MCC: variants seen among roughly 807,000 people sequenced by gnomAD.
MCC encodes the protein colorectal mutant cancer protein.
MCC carries 90 observed loss-of-function variants against 116.2 expected under a neutral mutation model. That is an observed-to-expected ratio of 0.77 (90% confidence interval 0.65 to 0.92). The LOEUF (loss-of-function observed/expected upper bound fraction) is 0.92, where lower values mean the gene tolerates loss of function less well. Among genes scored for constraint, MCC ranks in the 40% least tolerant of loss-of-function variants. The pLI, the probability that MCC is intolerant of heterozygous loss-of-function variation, is 0.00. For synonymous variants in MCC, 578 were observed against 510.5 expected (o/e 1.13, Z -1.78); for missense variants, 1,516 against 1,312.2 (o/e 1.16, Z -2.40).
At chr5:113,144,565 G>A (rs78469214) in intron 4 of MCC, among the ~76,000 whole-genome samples, 5,526 of 152,218 alleles carry the variant, frequency 0.036, 182 homozygotes, top group African/African-American at 0.083. Flanking sequence ...GCATAACCCA[G>A]GGCAGGGACA....
At chr5:113,343,875 G>A (rs944541477) in intron 2 of MCC, among the ~76,000 whole-genome samples, 3 of 152,126 alleles carry the variant, frequency 2.0e-5, no homozygotes, top group South Asian at 2.1e-4. Context: ...GAGCAAGATG[G>A]CTGAATAGAA....
At chr5:113,428,162 C>T (rs1323517197) in intron 1 of MCC, among the ~76,000 whole-genome samples, 1 of 152,192 alleles carries the variant, frequency 6.6e-6, no homozygotes, top group Non-Finnish European at 1.5e-5. Flanking sequence ...TCAGCATTTT[C>T]AGGGGCTCCT....
Position 113,071,096 on chromosome 5 carries a change from G to C in MCC, c.1923C>G (p.Tyr641Ter). ...NATALRLALQ[Y>*]SEQCIEAYEL... ...CAAACATCCCAGTGTGTGCCTACCT[G>C]TACTGCAAGGCCAGCCTCAGCGCTG... The change falls in exon 12 of 19, where the codon TAC becomes TAG. Residue 641 changes from tyrosine (Y) to a stop codon, truncating the protein, a stop_gained and splice_region_variant. Coordinates refer to ENST00000408903, the MANE Select transcript of MCC (RefSeq NM_001085377.2). LOFTEE classifies it high-confidence loss of function. The C allele has an allele frequency of 6.4e-7, 1 of 1,566,790 alleles. No homozygotes were observed. The highest frequency in any genetic ancestry group is 8.6e-7 in the Non-Finnish European group (1 of 1,159,406).
At chr5:113,053,236 C>T (rs1372446427) in intron 15 of MCC, among the ~76,000 whole-genome samples, 1 of 152,152 alleles carries the variant, frequency 6.6e-6, no homozygotes, top group African/African-American at 2.4e-5. Flanking sequence ...CAGCACTGTA[C>T]ACCTTCACTG....
At chr5:113,115,562 C>T (rs1240417239) in intron 6 of MCC, among the ~76,000 whole-genome samples, 3 of 152,106 alleles carry the variant, frequency 2.0e-5, no homozygotes, top group Admixed American at 2.0e-4. Flanking sequence ...TCCTCCAGGA[C>T]TGCGAGCCTC....
chr5:113,029,173 G>C, intron 17 of MCC, 117 bp from the exon 18 acceptor site: 1 of 1,002,222 alleles, frequency 1.0e-6, no homozygotes, highest in South Asian at 2.0e-5. Context: ...CTAAAGGCAA[G>C]GGAGAGAAAA....
chr5:113,300,019 C>T (rs1419899672), intron 3 of MCC, among the ~76,000 whole-genome samples: 1 of 152,158 alleles, frequency 6.6e-6, no homozygotes, highest in Non-Finnish European at 1.5e-5. Context: ...TGAGGCTGTG[C>T]ACCAACACCA....
intron 3 of MCC, among the ~76,000 whole-genome samples, chr5:113,199,796 T>C (rs1056162573): frequency 3.3e-5 from 5 of 152,140 alleles, no homozygotes. Flanking sequence ...GCTAATACCA[T>C]CCTCTCCTCT....
At chr5:113,103,109 G>A (rs756757448) in intron 7 of MCC, among the ~76,000 whole-genome samples, 2 of 151,746 alleles carry the variant, frequency 1.3e-5, no homozygotes, top group African/African-American at 2.4e-5. Context: ...GCAAGACTCC[G>A]TCTAAAAAAA....
At chr5:113,059,683 G>T (rs185858533) in intron 14 of MCC, among the ~76,000 whole-genome samples, 1 of 152,370 alleles carries the variant, frequency 6.6e-6, no homozygotes, top group Admixed American at 6.5e-5. Flanking sequence ...AGTCTAGGAT[G>T]TGTGGGTTTC....
At chr5:113,183,345 A>G (rs957700707) in intron 3 of MCC, among the ~76,000 whole-genome samples, 2 of 152,194 alleles carry the variant, frequency 1.3e-5, no homozygotes, top group South Asian at 2.1e-4. Flanking sequence ...AGCTTTTTCA[A>G]TATGTGCAAC....
intron 1 of MCC, among the ~76,000 whole-genome samples, chr5:113,485,136 G>C (rs1772483132): frequency 6.6e-6 from 1 of 152,044 alleles, no homozygotes; most frequent in Non-Finnish European, 1.5e-5. Flanking sequence ...AGGAAGACTG[G>C]GCCAAGAGAA....
intron 2 of MCC, among the ~76,000 whole-genome samples, chr5:113,343,428 C>T (rs1768058604): frequency 6.6e-6 from 1 of 152,234 alleles, no homozygotes; most frequent in South Asian, 2.1e-4. Flanking sequence ...AATGCCTGCT[C>T]TCCCTCCCCT....
intron 1 of MCC, among the ~76,000 whole-genome samples, chr5:113,407,541 C>T (rs1054371634): frequency 6.6e-6 from 1 of 152,190 alleles, no homozygotes; most frequent in Non-Finnish European, 1.5e-5. Flanking sequence ...CAGTACTGCT[C>T]CTGTACTCAC....
intron 6 of MCC, among the ~76,000 whole-genome samples, chr5:113,110,000 C>T (rs9326877): frequency 0.46 from 69,672 of 151,406 alleles, 16,262 homozygotes; most frequent in African/African-American, 0.51. Flanking sequence ...TTTTTTTTCT[C>T]CAGAGACAGG....
chr5:113,092,773 A>T (rs1024505169), intron 8 of MCC, among the ~76,000 whole-genome samples: 15 of 152,192 alleles, frequency 9.9e-5, no homozygotes, highest in Non-Finnish European at 8.8e-5. Flanking sequence ...GGCTGGCCAG[A>T]TTTCCCAAAA....
At chr5:113,403,496 T>G (rs571068799) in intron 1 of MCC, among the ~76,000 whole-genome samples, 7 of 152,210 alleles carry the variant, frequency 4.6e-5, no homozygotes, top group Non-Finnish European at 1.0e-4. Flanking sequence ...AAGGGGCTCT[T>G]CATGTTTCAG....
rs1772602575 is a variant in MCC at position 113,488,238 on chromosome 5, C to T, written c.170+7G>A. 1.3e-6 allele frequency: 2 copies of T among 1,586,400 alleles called. No homozygotes were observed. The highest frequency in any genetic ancestry group is 1.1e-5 in the South Asian group (1 of 89,574). On this transcript the variant is annotated splice_region_variant and intron_variant, in intron 1 of 18. Transcript: ENST00000408903. ...TCCTGTCGGTTTCCTCGTACCTCCC[C>T]GCGTACCTGCTGATGTATCCGTCCC... is the stretch of plus-strand genomic sequence containing the variant.
rs1554076903 is a variant in MCC at position 113,333,846 on chromosome 5, T to TACATGTAC, written c.627+6672_627+6673insGTACATGT. 1.9e-4 allele frequency among the ~76,000 whole-genome samples: 12 copies of TACATGTAC among 62,626 alleles called. 3 individuals are homozygous for TACATGTAC. The highest frequency in any genetic ancestry group is 8.3e-4 in the African/African-American group (12 of 14,472). 41.1% of individuals were successfully genotyped at this position (62,626 alleles called of 152,430 possible). A position where few individuals can be genotyped will look rare whatever the true frequency, so the allele number is the denominator to read the frequency against. The stretch of plus-strand genomic sequence containing the variant: ...ATATATGTATATATGTATATATGTA[T>TACATGTAC]ATATGTACATATATGTATATATGTA... On this transcript the variant is annotated intron_variant, in intron 3 of 18. Coordinates refer to ENST00000408903, the MANE Select transcript of MCC (RefSeq NM_001085377.2).
Sources: allele counts gnomAD v4.1 joint callset (sites outside exome capture counted in the v4.1 genomes callset), GRCh38; gene constraint gnomAD v4.1.1; transcripts MANE v1.5; gene names NCBI Gene and HGNC (gene_info 2026-07-23, HGNC 2026-07-21).